The following SORCS3 variants were observed in gnomAD, a reference collection of about 807,000 sequenced individuals.
SORCS3 encodes the protein VPS10 domain-containing receptor SorCS3.
A neutral mutation model predicts 146.3 loss-of-function variants in SORCS3; 57 were observed. That is an observed-to-expected ratio of 0.39 (90% CI 0.31 to 0.49). SORCS3 has a LOEUF of 0.49. Among genes scored for constraint, SORCS3 ranks in the 20% least tolerant of loss-of-function variants. The pLI is 0.92. For missense variants in SORCS3, 1,341 were observed against 1,575.5 expected (o/e 0.85, Z 2.52); for synonymous variants, 653 against 618.5 (o/e 1.06, Z -0.83).
intron 2 of SORCS3, among the ~76,000 whole-genome samples, chr10:104,879,738 C>A (rs973156719): frequency 2.0e-5 from 3 of 152,318 alleles, no homozygotes; most frequent in Middle Eastern, 3.4e-3. Flanking sequence ...GAAAAGGCAT[C>A]CTTTCTTCTA....
intron 2 of SORCS3, among the ~76,000 whole-genome samples, chr10:104,866,406 C>G (rs1415708781): frequency 1.3e-5 from 2 of 152,124 alleles, no homozygotes; most frequent in East Asian, 3.9e-4. Flanking sequence ...GAGTTGGAAA[C>G]TATTCATCAG....
In SORCS3 at chr10:104,641,473, C is replaced by G. The variant is rs974141784; in HGVS notation, c.146C>G (p.Pro49Arg). The change falls in exon 1 of 27, where the codon CCG becomes CGG. Residue 49 changes from proline (P) to arginine (R), a missense_variant. Coordinates refer to ENST00000369701, the MANE Select transcript of SORCS3 (RefSeq NM_014978.3). The surrounding 1 kb of genome is among the most constrained non-coding windows in gnomAD (Gnocchi z 6.4). Reference protein sequence around the residue: ...ATGGPGRPAAPASRPPALSPL... With the variant: ...ATGGPGRPAARASRPPALSPL... ...GGCGGTCCCGGACGCCCGGCGGCCCCGGCTTCGCGGCCACCGGCGTTGTCT... is the reference window on the plus strand; with the variant it reads ...GGCGGTCCCGGACGCCCGGCGGCCCGGGCTTCGCGGCCACCGGCGTTGTCT... 1.4e-6 allele frequency: 2 copies of G among 1,467,244 alleles called. No homozygotes were observed. Among genetic ancestry groups the G allele is most frequent in the Non-Finnish European group, 1.8e-6 (2 of 1,116,902 alleles). The allele number at this position is 1,467,244 out of a possible 1,614,324, so 90.9% of individuals were successfully genotyped here. A position where few individuals can be genotyped will look rare whatever the true frequency, so the allele number is the denominator to read the frequency against.
At chr10:104,710,055 G>A (rs12413206) in intron 1 of SORCS3, among the ~76,000 whole-genome samples, 29,745 of 151,998 alleles carry the variant, frequency 0.2, 3,190 homozygotes, top group Non-Finnish European at 0.25. Context: ...GAATTTATTT[G>A]CAAACATTTT....
At chr10:104,649,752 G>C (rs1396334364) in intron 1 of SORCS3, among the ~76,000 whole-genome samples, 2 of 152,214 alleles carry the variant, frequency 1.3e-5, no homozygotes, top group African/African-American at 4.8e-5. Flanking sequence ...AGTAGAAACA[G>C]AATAATATTC....
At chr10:105,062,717 C>T (rs981801676) in intron 5 of SORCS3, among the ~76,000 whole-genome samples, 3 of 152,168 alleles carry the variant, frequency 2.0e-5, no homozygotes, top group Non-Finnish European at 4.4e-5. Flanking sequence ...AAGAACAAAA[C>T]CTAAAGACTC....
chr10:104,836,565 G>A lies in SORCS3; in HGVS notation c.628-6227G>A, dbSNP rs61867304. On this transcript the variant is annotated intron_variant, in intron 1 of 26. Transcript: ENST00000369701. ...ACTGATTTTATAAGAAGTCAGCTAT[G>A]TCCCTTATTGTCACCTTATTTATGG... Among the ~76,000 whole-genome samples the A allele has an allele frequency of 8.0e-3, 1,215 of 152,254 alleles. 7 individuals carry two copies. The highest frequency in any genetic ancestry group is 8.6e-3 in the Admixed American group (131 of 15,292).
intron 4 of SORCS3, among the ~76,000 whole-genome samples, chr10:105,021,974 A>G (rs1275176088): frequency 1.3e-5 from 2 of 152,234 alleles, no homozygotes; most frequent in East Asian, 3.9e-4. Context: ...TATGATTCCA[A>G]CTATGACATT....
At chr10:104,821,735 C>T (rs76259360) in intron 1 of SORCS3, among the ~76,000 whole-genome samples, 1 of 152,170 alleles carries the variant, frequency 6.6e-6, no homozygotes, top group Non-Finnish European at 1.5e-5. Flanking sequence ...GCCTCTGTAC[C>T]ATGGGATTGG....
chr10:105,100,973 T>C (rs895481046), intron 6 of SORCS3, among the ~76,000 whole-genome samples: 1 of 152,234 alleles, frequency 6.6e-6, no homozygotes, highest in African/African-American at 2.4e-5. Context: ...AAGGCCAGTC[T>C]GCACATAGTA....
intron 7 of SORCS3, among the ~76,000 whole-genome samples, chr10:105,138,014 C>T (rs2056070280): frequency 6.6e-6 from 1 of 151,590 alleles, no homozygotes; most frequent in South Asian, 2.1e-4. Flanking sequence ...TATAGCAACA[C>T]CCACCTCTAA....
intron 1 of SORCS3, among the ~76,000 whole-genome samples, chr10:104,790,027 G>A (rs2017478279): frequency 6.6e-6 from 1 of 152,188 alleles, no homozygotes; most frequent in African/African-American, 2.4e-5. Flanking sequence ...AACCTATACA[G>A]GGGTGTCTTC....
At chr10:105,134,029 T>C (rs113803247) in intron 7 of SORCS3, among the ~76,000 whole-genome samples, 1 of 152,156 alleles carries the variant, frequency 6.6e-6, no homozygotes, top group Admixed American at 6.5e-5. Flanking sequence ...AACAAAACCA[T>C]AGACATGCAT....
At chr10:105,075,095 T>C (rs2055580337) in intron 5 of SORCS3, among the ~76,000 whole-genome samples, 1 of 152,174 alleles carries the variant, frequency 6.6e-6, no homozygotes, top group South Asian at 2.1e-4. Context: ...CTTTGCCTTT[T>C]TATAATTAAC....
chr10:104,654,749 G>A (rs145347683), intron 1 of SORCS3, among the ~76,000 whole-genome samples: 18 of 152,288 alleles, frequency 1.2e-4, no homozygotes, highest in Non-Finnish European at 1.9e-4. Flanking sequence ...TCTACTCATG[G>A]ACTGATGAAG....
At chr10:104,819,812 C>A (rs1419282732) in intron 1 of SORCS3, among the ~76,000 whole-genome samples, 2 of 152,190 alleles carry the variant, frequency 1.3e-5, no homozygotes. Flanking sequence ...AGCTCAACAG[C>A]TGAGATGTGG....
chr10:104,968,184 C>T (rs759805412), intron 3 of SORCS3, among the ~76,000 whole-genome samples: 24 of 152,240 alleles, frequency 1.6e-4, no homozygotes, highest in Non-Finnish European at 2.8e-4. Flanking sequence ...GGTGCAATCT[C>T]GGCTCACTGC....
At position 105,043,142 on chromosome 10, in the gene SORCS3, A is replaced by T; in HGVS notation, c.1028+14A>T. The T allele has an allele frequency of 6.2e-7, 1 of 1,608,538 alleles. No individual in the cohort carries two copies. The highest frequency in any genetic ancestry group is 8.5e-7 in the Non-Finnish European group (1 of 1,175,002). ...CAGGTTTTATTGGTAAGCCCTATCC[A>T]CACACTCATTACTTCTTAGATAAAG... On this transcript the variant is annotated intron_variant, in intron 5 of 26. Coordinates refer to ENST00000369701, the MANE Select transcript of SORCS3 (RefSeq NM_014978.3).
intron 2 of SORCS3, among the ~76,000 whole-genome samples, chr10:104,843,192 T>C (rs1043768710): frequency 2.6e-5 from 4 of 152,160 alleles, no homozygotes; most frequent in Non-Finnish European, 5.9e-5. Flanking sequence ...AAGCCTGCTG[T>C]AGGAGAGATT....
chr10:105,010,553 A>G (rs1372590720), intron 4 of SORCS3, among the ~76,000 whole-genome samples: 1 of 152,222 alleles, frequency 6.6e-6, no homozygotes, highest in South Asian at 2.1e-4. Flanking sequence ...GCTCTAGCTA[A>G]TAAGTGATTT....
Sources: gnomAD v4.1 joint callset for allele counts (sites outside exome capture counted in the v4.1 genomes callset) on GRCh38, gnomAD v4.1.1 for gene constraint, Gnocchi (gnomAD v3.1) non-coding constraint, MANE v1.5 for transcripts, NCBI Gene and HGNC (gene_info 2026-07-23, HGNC 2026-07-21) for gene names.